The following PCDH15 variants were observed in gnomAD, a reference collection of about 807,000 sequenced individuals.
PCDH15 encodes protocadherin related 15.
Under a neutral mutation model 178.5 loss-of-function variants are expected in PCDH15, and 129 were observed. That is an observed-to-expected ratio of 0.72 (90% CI 0.63 to 0.84). The LOEUF is 0.84. Ranked by LOEUF, PCDH15 falls within the 40% of genes least tolerant of loss-of-function variation. PCDH15 has a pLI of 0.00. For missense variants in PCDH15, 2,230 were observed against 2,099.9 expected (o/e 1.06, Z -1.21); for synonymous variants, 800 against 732.0 (o/e 1.09, Z -1.50).
At chr10:55,120,028 G>C (rs973268789) in intron 2 of PCDH15, among the ~76,000 whole-genome samples, 1 of 151,938 alleles carries the variant, frequency 6.6e-6, no homozygotes, top group Non-Finnish European at 1.5e-5. Context: ...TGAGTGGAAA[G>C]AGACTGTCAA....
At chr10:54,322,743 C>T (rs1242102472) in intron 7 of PCDH15, among the ~76,000 whole-genome samples, 3 of 152,012 alleles carry the variant, frequency 2.0e-5, no homozygotes, top group South Asian at 2.1e-4. Context: ...AAATGTAATA[C>T]CTCAAGCTAT....
At chr10:55,178,252 C>T (rs538120956) in intron 1 of PCDH15, among the ~76,000 whole-genome samples, 1 of 152,196 alleles carries the variant, frequency 6.6e-6, no homozygotes, top group Admixed American at 6.5e-5. Context: ...CATTGGCAGA[C>T]CAAGCAGCTA....
intron 2 of PCDH15, among the ~76,000 whole-genome samples, chr10:55,399,445 C>T (rs1838011125): frequency 6.6e-6 from 1 of 152,076 alleles, no homozygotes; most frequent in Non-Finnish European, 1.5e-5. Context: ...CAAATTGAAA[C>T]ATTTTATTTT....
At chr10:54,425,101 T>G (rs1481745311) in intron 3 of PCDH15, among the ~76,000 whole-genome samples, 1 of 151,920 alleles carries the variant, frequency 6.6e-6, no homozygotes, top group Non-Finnish European at 1.5e-5. Context: ...TAAACATCCA[T>G]GCATAGAATT....
rs149941614 is a variant in PCDH15 at position 54,083,038 on chromosome 10, C to T, written c.1998-3614G>A. 6.6e-5 allele frequency among the ~76,000 whole-genome samples: 10 copies of T among 152,052 alleles called. No individual in the cohort carries two copies. The East Asian group carries it at 1.9e-3, about 29-fold the overall frequency. ...CATTAGTCATCAGGCAAATGCAAAT[C>T]AAAACCCACAACCAAGTATCACTTC... On this transcript the variant is annotated intron_variant, in intron 16 of 37. Coordinates refer to ENST00000644397, the MANE Select transcript of PCDH15 (RefSeq NM_001384140.1).
intron 2 of PCDH15, among the ~76,000 whole-genome samples, chr10:55,333,945 G>A (rs1844283871): frequency 6.6e-6 from 1 of 151,466 alleles, no homozygotes; most frequent in African/African-American, 2.4e-5. Context: ...CATGCAAACT[G>A]GAAAGCTTAT....
chr10:53,994,330 AT>A (rs548285495), intron 21 of PCDH15, among the ~76,000 whole-genome samples: 8 of 152,120 alleles, frequency 5.3e-5, no homozygotes, highest in East Asian at 3.9e-4. Flanking sequence ...GCTGATGAAA[AT>A]TTTTTTTAAA....
intron 2 of PCDH15, among the ~76,000 whole-genome samples, chr10:55,375,575 T>C (rs1565073242): frequency 6.6e-6 from 1 of 152,274 alleles, no homozygotes; most frequent in East Asian, 1.9e-4. Flanking sequence ...GTGTCTTCTC[T>C]ATGTCTAATT....
In PCDH15 at chr10:54,322,526, C is replaced by G. The variant is rs551052385; in HGVS notation, c.706-5085G>C. 3.3e-5 allele frequency among the ~76,000 whole-genome samples: 5 copies of G among 152,026 alleles called. No homozygotes were observed. The East Asian group carries it at 9.7e-4, about 29-fold the overall frequency. On this transcript the variant is annotated intron_variant, in intron 7 of 37. Coordinates refer to ENST00000644397, the MANE Select transcript of PCDH15 (RefSeq NM_001384140.1). ...TCTCCTCAACCTCAAGCTAGAAAATCTAGAGTAAAGTGATATGTTTCTGGA... is the reference window on the plus strand; with the variant it reads ...TCTCCTCAACCTCAAGCTAGAAAATGTAGAGTAAAGTGATATGTTTCTGGA...
intron 4 of PCDH15, among the ~76,000 whole-genome samples, chr10:54,373,864 G>A (rs1029527230): frequency 1.3e-5 from 2 of 151,940 alleles, no homozygotes; most frequent in Non-Finnish European, 2.9e-5. Context: ...TGATAGCACT[G>A]GATAACAGTG....
chr10:55,580,135 G>C (rs780489627), intron 2 of PCDH15, among the ~76,000 whole-genome samples: 1 of 152,100 alleles, frequency 6.6e-6, no homozygotes, highest in Non-Finnish European at 1.5e-5. Context: ...GGGATTACAG[G>C]CGTGAGCCAC....
chr10:54,047,503 T>C (rs1185578366), intron 18 of PCDH15, among the ~76,000 whole-genome samples: 2 of 152,060 alleles, frequency 1.3e-5, no homozygotes, highest in Admixed American at 1.3e-4. Context: ...AATAATTCTA[T>C]TGCCCATGTA....
intron 1 of PCDH15, among the ~76,000 whole-genome samples, chr10:55,204,047 T>C (rs1840326936): frequency 6.6e-6 from 1 of 151,314 alleles, no homozygotes; most frequent in African/African-American, 2.4e-5. Context: ...CCTGTCTCTA[T>C]TTTTATTTAA....
intron 35 of PCDH15, among the ~76,000 whole-genome samples, chr10:53,814,578 A>G (rs745889303): frequency 1.3e-5 from 2 of 152,130 alleles, no homozygotes; most frequent in Non-Finnish European, 2.9e-5. Flanking sequence ...AAAGAGGGAT[A>G]GGAACTAGCA....
chr10:54,552,515 C>T (rs2086728404), intron 2 of PCDH15, among the ~76,000 whole-genome samples: 1 of 152,136 alleles, frequency 6.6e-6, no homozygotes, highest in Non-Finnish European at 1.5e-5. Context: ...CCGCTAATAC[C>T]AGCTTCCTTG....
At chr10:54,592,722 T>C (rs1277160550) in intron 2 of PCDH15, among the ~76,000 whole-genome samples, 2 of 152,224 alleles carry the variant, frequency 1.3e-5, no homozygotes, top group African/African-American at 4.8e-5. Flanking sequence ...GTGGGATTGC[T>C]GAAGCATTTG....
chr10:53,898,817 A>T (rs546820319), intron 26 of PCDH15, among the ~76,000 whole-genome samples: 1 of 152,278 alleles, frequency 6.6e-6, no homozygotes, highest in Non-Finnish European at 1.5e-5. Flanking sequence ...ACCACTTTGG[A>T]ATAGGCTTCA....
intron 2 of PCDH15, among the ~76,000 whole-genome samples, chr10:55,389,102 T>A (rs1383264224): frequency 6.6e-6 from 1 of 152,072 alleles, no homozygotes; most frequent in Non-Finnish European, 1.5e-5. Context: ...GTAGGGTAAA[T>A]GAACTCCCAA....
intron 2 of PCDH15, among the ~76,000 whole-genome samples, chr10:54,581,786 C>T (rs896071664): frequency 3.6e-4 from 55 of 151,936 alleles, no homozygotes; most frequent in African/African-American, 1.2e-3. Flanking sequence ...TATAATCATA[C>T]GATCTGTGAC....
Sources: gnomAD v4.1 joint callset for allele counts (sites outside exome capture counted in the v4.1 genomes callset) on GRCh38, gnomAD v4.1.1 for gene constraint, MANE v1.5 for transcripts, NCBI Gene and HGNC (gene_info 2026-07-23, HGNC 2026-07-21) for gene names.